Variants in ATF3 observed in about 807,000 individuals in gnomAD.
ATF3 encodes the protein cyclic AMP-dependent transcription factor ATF-3.
A neutral mutation model predicts 18.4 loss-of-function variants in ATF3; 10 were observed. That is an observed-to-expected ratio of 0.54 (90% CI 0.34 to 0.92). The LOEUF (loss-of-function observed/expected upper bound fraction) is 0.92, where lower values mean the gene tolerates loss of function less well. Among genes scored for constraint, ATF3 ranks in the 40% least tolerant of loss-of-function variants. ATF3 has a pLI of 0.02. For missense variants in ATF3, 183 were observed against 222.3 expected, an observed-to-expected ratio of 0.82 and a Z score of 1.12; for synonymous variants, 78 against 87.9, an observed-to-expected ratio of 0.89 and a Z score of 0.63.
upstream of ATF3, among the ~76,000 whole-genome samples, chr1:212,604,848 C>T (rs957971231): frequency 1.3e-5 from 2 of 152,182 alleles, no homozygotes; most frequent in Non-Finnish European, 2.9e-5. Context: ...ATCCCCTGCT[C>T]CTAGCCCAGG....
At chr1:212,575,720 A>G (rs1433709891) in intron 1 of ATF3, among the ~76,000 whole-genome samples, 1 of 152,190 alleles carries the variant, frequency 6.6e-6, no homozygotes, top group Non-Finnish European at 1.5e-5. Context: ...TTTTAAAACC[A>G]CGAATGAATG....
intron 1 of ATF3, among the ~76,000 whole-genome samples, chr1:212,585,548 A>G (rs912487537): frequency 6.6e-6 from 1 of 152,194 alleles, no homozygotes; most frequent in African/African-American, 2.4e-5. Flanking sequence ...AGAATTTATG[A>G]AGACATGTGG....
intron 2 of ATF3, among the ~76,000 whole-genome samples, chr1:212,616,487 G>A (rs1316904834): frequency 4.6e-5 from 7 of 152,000 alleles, no homozygotes; most frequent in East Asian, 3.9e-4. Context: ...TAGTAGAGAC[G>A]GGGTTTCTCC....
At chr1:212,577,647 A>G (rs577758575) in intron 1 of ATF3, among the ~76,000 whole-genome samples, 1 of 151,358 alleles carries the variant, frequency 6.6e-6, no homozygotes, top group East Asian at 1.9e-4. Flanking sequence ...ACTTTTTTCA[A>G]TTCCCACATA....
At chr1:212,597,600 A>G (rs1236824447) in intron 1 of ATF3, among the ~76,000 whole-genome samples, 4 of 151,886 alleles carry the variant, frequency 2.6e-5, no homozygotes, top group African/African-American at 9.7e-5. Context: ...AGAGGTTGAG[A>G]CTCTTGCTGC....
chr1:212,571,894 A>G (rs1235507747), intron 1 of ATF3, among the ~76,000 whole-genome samples: 2 of 150,620 alleles, frequency 1.3e-5, no homozygotes, highest in Non-Finnish European at 3.0e-5. Context: ...TCGTATTTTT[A>G]GTAGAGACTG....
At chr1:212,587,931 C>T (rs779147102) in intron 1 of ATF3, among the ~76,000 whole-genome samples, 1 of 137,430 alleles carries the variant, frequency 7.3e-6, no homozygotes, top group Admixed American at 8.1e-5. Context: ...GCAGTGCAAG[C>T]GAGGCACCTG....
intron 1 of ATF3, among the ~76,000 whole-genome samples, chr1:212,569,807 G>C (rs1327526723): frequency 6.6e-6 from 1 of 151,926 alleles, no homozygotes. Flanking sequence ...AAATAGTACT[G>C]TAATAAACAT....
At chr1:212,613,903 A>G (rs1171809514) in intron 1 of ATF3, 1 of 152,234 alleles carries the variant, frequency 6.6e-6, no homozygotes, top group Non-Finnish European at 1.5e-5. Context: ...GAGCTATAGA[A>G]TAACAGAGGG....
chr1:212,583,957 C>A (rs1664732301), intron 1 of ATF3, among the ~76,000 whole-genome samples: 1 of 152,140 alleles, frequency 6.6e-6, no homozygotes, highest in South Asian at 2.1e-4. Context: ...CCCACAGATA[C>A]AGTGATGACC....
chr1:212,586,686 G>A (rs1014590672), intron 1 of ATF3, among the ~76,000 whole-genome samples: 1 of 152,208 alleles, frequency 6.6e-6, no homozygotes, highest in Non-Finnish European at 1.5e-5. Flanking sequence ...CTGGAAGCCA[G>A]ACATGAATTG....
intron 1 of ATF3, among the ~76,000 whole-genome samples, chr1:212,572,332 G>C (rs1294860823): frequency 6.6e-6 from 1 of 152,004 alleles, no homozygotes; most frequent in Non-Finnish European, 1.5e-5. Flanking sequence ...GCCTGACCAA[G>C]ATGGAGAAAC....
upstream of ATF3, among the ~76,000 whole-genome samples, chr1:212,606,780 T>C (rs922303259): frequency 3.3e-5 from 5 of 152,322 alleles, no homozygotes; most frequent in Middle Eastern, 3.4e-3. Flanking sequence ...AATAACTTCA[T>C]TCAAATGCAA....
At chr1:212,570,230 T>A (rs1226486217) in intron 1 of ATF3, among the ~76,000 whole-genome samples, 1 of 152,194 alleles carries the variant, frequency 6.6e-6, no homozygotes, top group Non-Finnish European at 1.5e-5. Flanking sequence ...GATTTTAAGA[T>A]TTAAAGCAAT....
intron 2 of ATF3, among the ~76,000 whole-genome samples, chr1:212,617,882 A>ACCGG (rs1655195139): frequency 6.6e-6 from 1 of 152,164 alleles, no homozygotes; most frequent in South Asian, 2.1e-4. Context: ...CTTTTAATTT[A>ACCGG]CTAATATATT....
chr1:212,583,954 A>T (rs1226377514), intron 1 of ATF3, among the ~76,000 whole-genome samples: 1 of 152,198 alleles, frequency 6.6e-6, no homozygotes, highest in East Asian at 1.9e-4. Flanking sequence ...TCTCCCACAG[A>T]TACAGTGATG....
intron 1 of ATF3, among the ~76,000 whole-genome samples, chr1:212,589,485 T>C (rs1018564611): frequency 2.0e-5 from 3 of 151,956 alleles, no homozygotes; most frequent in Non-Finnish European, 2.9e-5. Flanking sequence ...AGAACTAAAT[T>C]ATAAATAAAA....
chr1:212,565,599 G>A (rs1424646399), intron 1 of ATF3: 1 of 152,228 alleles, frequency 6.6e-6, no homozygotes, highest in African/African-American at 2.4e-5. Flanking sequence ...CCTGCTGGGT[G>A]GGTGCCACCC....
chr1:212,611,514 C>T (rs2102652490), intron 1 of ATF3, among the ~76,000 whole-genome samples: 1 of 152,300 alleles, frequency 6.6e-6, no homozygotes, highest in East Asian at 1.9e-4. Context: ...TTGGTGGATG[C>T]TCAGCTTATG....
Sources: gnomAD v4.1 joint callset for allele counts (sites outside exome capture counted in the v4.1 genomes callset) on GRCh38, gnomAD v4.1.1 for gene constraint, MANE v1.5 for transcripts, NCBI Gene and HGNC (gene_info 2026-07-23, HGNC 2026-07-21) for gene names.